SRPK2: variants seen among roughly 807,000 people sequenced by gnomAD.
The protein encoded by SRPK2 is SFRS protein kinase 2.
In SRPK2, 21 loss-of-function variants were observed where a neutral mutation model predicts 90.8. The observed-to-expected ratio is 0.23, with a 90% confidence interval of 0.16 to 0.33. The LOEUF is 0.33. SRPK2 is among the 10% of genes least tolerant of loss of function. The pLI, the probability that SRPK2 is intolerant of heterozygous loss-of-function variation, is 1.00. For missense variants in SRPK2, 620 were observed against 869.0 expected (o/e 0.71, Z 3.60); for synonymous variants, 288 against 311.1 (o/e 0.93, Z 0.78).
chr7:105,132,917 C>T lies in SRPK2; in HGVS notation c.1645-19G>A. ...GTTTATGCTGGAAGGGAACAGGCTGCATTACCACGGAGCAACACAGACATT... is the reference window on the plus strand; with the variant it reads ...GTTTATGCTGGAAGGGAACAGGCTGTATTACCACGGAGCAACACAGACATT... On this transcript the variant is annotated intron_variant, in intron 12 of 15. Transcript: ENST00000393651. 1 of 1,612,916 alleles carries T rather than the reference C, an allele frequency of 6.2e-7. No homozygotes were observed. Among genetic ancestry groups the T allele is most frequent in the Non-Finnish European group, 8.5e-7 (1 of 1,179,028 alleles).
rs977576248 is a variant in SRPK2, at chr7:105,213,617, T to A, written c.72-9832A>T. On this transcript the variant is annotated intron_variant, in intron 2 of 15. Transcript: ENST00000393651. ...ATACAGATTTTAGAGCACATACATA[T>A]ACAAAAGTAAGCCTACCTTTTACAT... Among the ~76,000 whole-genome samples the A allele has an allele frequency of 3.3e-5, 5 of 152,152 alleles. No homozygotes were observed. In the East Asian group the frequency reaches 9.6e-4, roughly 29 times the overall value.
At chr7:105,306,512 A>C (rs939677014) in intron 2 of SRPK2, 1 of 454,760 alleles carries the variant, frequency 2.2e-6, no homozygotes, top group Admixed American at 2.4e-5. Context: ...TTCCTTTGAA[A>C]TCTCATGAAG....
At chr7:105,158,048 G>C (rs1192210462) in intron 7 of SRPK2, among the ~76,000 whole-genome samples, 1 of 152,156 alleles carries the variant, frequency 6.6e-6, no homozygotes. Flanking sequence ...CTGGGTAACA[G>C]AGGAAGACCC....
chr7:105,151,221 C>G (rs917518727), intron 7 of SRPK2, among the ~76,000 whole-genome samples: 4 of 152,134 alleles, frequency 2.6e-5, no homozygotes, highest in Non-Finnish European at 5.9e-5. Flanking sequence ...TAATTGAAAC[C>G]ATTAAAGGAA....
intron 7 of SRPK2, among the ~76,000 whole-genome samples, chr7:105,159,949 T>C (rs1807329062): frequency 6.6e-6 from 1 of 152,226 alleles, no homozygotes; most frequent in Non-Finnish European, 1.5e-5. Flanking sequence ...CAGTATGACA[T>C]ATAGACTCTG....
In SRPK2 at chr7:105,143,305, T is replaced by C; in HGVS notation, c.839A>G (p.Lys280Arg). The change falls in exon 10 of 16, where the codon AAG becomes AGG. Residue 280 changes from lysine to arginine, a missense_variant. By Grantham distance (26) the Lys-to-Arg change is conservative (BLOSUM62 2). Coordinates refer to ENST00000393651, the MANE Select transcript of SRPK2 (RefSeq NM_182692.3). ...CTTCTGTTTCTTTTTCAGTTTTTTC[T>C]TTTTGTTTTTAGATATTTTTCCTAT... ...KPIGKISKNK[K>R]KKLKKKQKRQ... 6.2e-7 allele frequency: 1 copy of C among 1,612,556 alleles called. No homozygotes were observed. Among genetic ancestry groups the C allele is most frequent in the Non-Finnish European group, 8.5e-7 (1 of 1,179,780 alleles).
At chr7:105,236,634 T>C (rs563159074) in intron 2 of SRPK2, among the ~76,000 whole-genome samples, 5 of 152,250 alleles carry the variant, frequency 3.3e-5, no homozygotes, top group African/African-American at 1.2e-4. Flanking sequence ...TCAGAAATTT[T>C]TGACACACAA....
intron 2 of SRPK2, among the ~76,000 whole-genome samples, chr7:105,363,977 C>T (rs957891421): frequency 1.4e-4 from 21 of 147,114 alleles, no homozygotes; most frequent in African/African-American, 4.8e-4. Flanking sequence ...AGGTGGGAGC[C>T]GGACAATGAG....
chr7:105,209,055 C>G (rs988691985), intron 2 of SRPK2, among the ~76,000 whole-genome samples: 1 of 152,148 alleles, frequency 6.6e-6, no homozygotes, highest in African/African-American at 2.4e-5. Flanking sequence ...AAATGTATGA[C>G]TTCAAGAAAC....
chr7:105,242,387 C>G (rs771797656), intron 2 of SRPK2, among the ~76,000 whole-genome samples: 2 of 152,060 alleles, frequency 1.3e-5, no homozygotes, highest in African/African-American at 2.4e-5. Flanking sequence ...TGGTGCACAC[C>G]TGTATTCCCA....
Position 105,167,363 on chromosome 7 carries a change from G to A in SRPK2, c.514+14C>T, listed in dbSNP as rs778697664. 2 of 1,597,172 alleles carry A rather than the reference G, an allele frequency of 1.3e-6. No individual in the cohort carries two copies. Among genetic ancestry groups the A allele is most frequent in the South Asian group, 2.2e-5 (2 of 90,312 alleles). On this transcript the variant is annotated intron_variant, in intron 6 of 15. Transcript: ENST00000393651. ...AAAGGTAAAAATACAAATAAATCAGGAAGTAAAGGATACGTATCCCATTCA... is the reference window on the plus strand; with the variant it reads ...AAAGGTAAAAATACAAATAAATCAGAAAGTAAAGGATACGTATCCCATTCA...
chr7:105,150,693 G>A lies in SRPK2; in HGVS notation c.622-4035C>T, dbSNP rs76250561. Among the ~76,000 whole-genome samples the A allele has an allele frequency of 2.0e-3, 305 of 152,182 alleles. 2 individuals carry two copies. The highest frequency in any genetic ancestry group is 6.6e-3 in the African/African-American group (272 of 41,506). ...TCCTGGTGCAAACTGAATAATATGTGGAGTTCTATATCTGAACAACAAAAG... is the reference window on the plus strand; with the variant it reads ...TCCTGGTGCAAACTGAATAATATGTAGAGTTCTATATCTGAACAACAAAAG... On this transcript the variant is annotated intron_variant, in intron 7 of 15. Coordinates refer to ENST00000393651, the MANE Select transcript of SRPK2 (RefSeq NM_182692.3).
intron 2 of SRPK2, chr7:105,304,440 A>G (rs1810929723): frequency 1.3e-5 from 2 of 152,232 alleles, no homozygotes; most frequent in Non-Finnish European, 2.9e-5. Flanking sequence ...GGGTAAGTAC[A>G]CTACACACCA....
intron 2 of SRPK2, among the ~76,000 whole-genome samples, chr7:105,205,495 A>T (rs549699914): frequency 7.3e-6 from 1 of 137,676 alleles, no homozygotes; most frequent in Non-Finnish European, 1.5e-5. Context: ...AATAATATTC[A>T]TTCTCTCTCT....
intron 2 of SRPK2, among the ~76,000 whole-genome samples, chr7:105,227,743 T>C (rs35973577): frequency 0.18 from 27,813 of 151,936 alleles, 3,211 homozygotes; most frequent in East Asian, 0.58. Flanking sequence ...ATCCAGTAGA[T>C]ATAAAAACAT....
At chr7:105,225,050 G>C (rs1264624029) in intron 2 of SRPK2, among the ~76,000 whole-genome samples, 1 of 152,164 alleles carries the variant, frequency 6.6e-6, no homozygotes, top group Non-Finnish European at 1.5e-5. Flanking sequence ...CTGTAAGCCA[G>C]GCGCAGTGGC....
chr7:105,208,833 TAAAA>T (rs1796515503), intron 2 of SRPK2, among the ~76,000 whole-genome samples: 1 of 151,974 alleles, frequency 6.6e-6, no homozygotes. Context: ...TGTTAAAAAA[TAAAA>T]GAAGCCAGGT....
rs571108055 is a variant in SRPK2 at position 105,324,892 on chromosome 7, A to T, written c.71+63756T>A. ...GCAGGGCAAGACTGTCTCAAAAAAT[A>T]AAAATTAAAATTAAAAAAATCTGTT... is the stretch of plus-strand genomic sequence containing the variant. On this transcript the variant is annotated intron_variant, in intron 2 of 15. Coordinates refer to ENST00000393651, the MANE Select transcript of SRPK2 (RefSeq NM_182692.3). 1.5e-4 allele frequency among the ~76,000 whole-genome samples: 23 copies of T among 152,300 alleles called. No individual in the cohort carries two copies. The East Asian group carries it at 3.5e-3, about 23-fold the overall frequency.
chr7:105,367,128 C>G (rs1266311356), intron 2 of SRPK2, among the ~76,000 whole-genome samples: 1 of 151,140 alleles, frequency 6.6e-6, no homozygotes, highest in Admixed American at 6.6e-5. Context: ...CTCAAATGCT[C>G]CTCCCACCTG....
Sources: gnomAD v4.1 joint callset for allele counts (sites outside exome capture counted in the v4.1 genomes callset) on GRCh38, gnomAD v4.1.1 for gene constraint, MANE v1.5 for transcripts, NCBI Gene and HGNC (gene_info 2026-07-23, HGNC 2026-07-21) for gene names.